LDLRAD3: variants seen among roughly 807,000 people sequenced by gnomAD.
The protein encoded by LDLRAD3 is low density lipoprotein receptor class A domain containing 3, also known as low-density lipoprotein receptor class A domain-containing protein 3.
Under a neutral mutation model 29.4 loss-of-function variants are expected in LDLRAD3, and 20 were observed. That is an observed-to-expected ratio of 0.68 (90% CI 0.48 to 0.99). The LOEUF (loss-of-function observed/expected upper bound fraction) is 0.99. Ranked by LOEUF, LDLRAD3 falls within the 50% of genes least tolerant of loss-of-function variation. The pLI, the probability that LDLRAD3 is intolerant of heterozygous loss-of-function variation, is 0.00. For missense variants in LDLRAD3, 420 were observed against 454.3 expected (o/e 0.92, Z 0.69); for synonymous variants, 157 against 192.7 (o/e 0.81, Z 1.53).
chr11:36,100,186 A>G (rs1196405132), intron 4 of LDLRAD3, among the ~76,000 whole-genome samples: 7 of 152,166 alleles, frequency 4.6e-5, no homozygotes, highest in Non-Finnish European at 1.0e-4. Context: ...TCTAATGCAC[A>G]CTGAAGGCTG....
At position 36,143,953 on chromosome 11, in the gene LDLRAD3, T is replaced by C. The variant is rs1476414650; in HGVS notation, c.454+45492T>C. Among the ~76,000 whole-genome samples, 865 of 91,524 alleles carry C rather than the reference T, an allele frequency of 9.5e-3. 25 individuals are homozygous for C. Among genetic ancestry groups the C allele is most frequent in the African/African-American group, 0.034 (808 of 23,444 alleles). 60.0% of individuals were successfully genotyped at this position (91,524 alleles called of 152,430 possible). A position where few individuals can be genotyped will look rare whatever the true frequency, so the allele number is the denominator to read the frequency against. ...CCCCCTCCCCCTCCCCCTCCCTCTC[T>C]TGCCACGGTCTCCCTCTGATGCCGA... On this transcript the variant is annotated intron_variant, in intron 4 of 5. Coordinates refer to ENST00000315571, the MANE Select transcript of LDLRAD3 (RefSeq NM_174902.4).
intron 4 of LDLRAD3, among the ~76,000 whole-genome samples, chr11:36,141,834 A>T (rs1390035433): frequency 1.3e-5 from 2 of 152,232 alleles, no homozygotes; most frequent in South Asian, 2.1e-4. Flanking sequence ...GGAAGTCAGC[A>T]GAATAGTTGG....
chr11:36,051,612 A>T (rs913283726), intron 2 of LDLRAD3, among the ~76,000 whole-genome samples: 1 of 152,168 alleles, frequency 6.6e-6, no homozygotes, highest in Non-Finnish European at 1.5e-5. Context: ...TATAAAAGTT[A>T]TGGTAAAAAA....
intron 3 of LDLRAD3, among the ~76,000 whole-genome samples, chr11:36,095,796 C>A (rs1383528824): frequency 6.6e-6 from 1 of 152,146 alleles, no homozygotes; most frequent in Non-Finnish European, 1.5e-5. Flanking sequence ...TCTTGGAGCA[C>A]TTAGAATGCC....
intron 4 of LDLRAD3, among the ~76,000 whole-genome samples, chr11:36,187,709 T>C (rs1440317001): frequency 6.6e-6 from 1 of 152,114 alleles, no homozygotes; most frequent in Admixed American, 6.6e-5. Flanking sequence ...TACCGGCTGG[T>C]TTTAGCAACA....
intron 4 of LDLRAD3, among the ~76,000 whole-genome samples, chr11:36,219,255 T>A (rs1179698529): frequency 6.6e-6 from 1 of 152,148 alleles, no homozygotes; most frequent in African/African-American, 2.4e-5. Context: ...TCCTAATAGG[T>A]TTAGGGGAGA....
At chr11:35,960,132 C>G (rs1851257803) in intron 1 of LDLRAD3, among the ~76,000 whole-genome samples, 1 of 152,136 alleles carries the variant, frequency 6.6e-6, no homozygotes, top group Non-Finnish European at 1.5e-5. Flanking sequence ...ATCAAATGGC[C>G]TACGCTTCTG....
At chr11:36,086,572 A>G (rs1432662733) in intron 3 of LDLRAD3, among the ~76,000 whole-genome samples, 1 of 152,196 alleles carries the variant, frequency 6.6e-6, no homozygotes, top group African/African-American at 2.4e-5. Flanking sequence ...GATTAGGACC[A>G]GGTCCATGTG....
intron 4 of LDLRAD3, among the ~76,000 whole-genome samples, chr11:36,205,338 C>T (rs931409731): frequency 2.6e-5 from 4 of 152,178 alleles, no homozygotes; most frequent in Non-Finnish European, 4.4e-5. Flanking sequence ...TTTTCGTGCT[C>T]CCCTCTGCGT....
At chr11:36,123,904 A>G (rs1853797436) in intron 4 of LDLRAD3, among the ~76,000 whole-genome samples, 1 of 152,168 alleles carries the variant, frequency 6.6e-6, no homozygotes, top group Non-Finnish European at 1.5e-5. Flanking sequence ...ATTTACATAG[A>G]CTGTAAAATA....
intron 4 of LDLRAD3, among the ~76,000 whole-genome samples, chr11:36,155,885 C>G (rs544862581): frequency 6.6e-6 from 1 of 152,170 alleles, no homozygotes; most frequent in African/African-American, 2.4e-5. Flanking sequence ...CCTGCCTTCC[C>G]CCTGCCTTTA....
chr11:36,229,271 C>A lies in LDLRAD3; in HGVS notation c.912C>A (p.Ser304Arg), dbSNP rs1855542011. Residue 304 changes from serine (S) to arginine (R), a missense_variant, in exon 6 of 6, where the codon AGC (serine) becomes AGA (arginine). By Grantham distance (110) the Ser-to-Arg change is moderately radical. Coordinates refer to ENST00000315571, the MANE Select transcript of LDLRAD3 (RefSeq NM_174902.4). ...RSRSGSANSA[S>R]SQAASSLLSV... Reference sequence around the variant, plus strand: ...GGTCCGGGAGTGCCAACAGTGCCAGCTCCCAGGCAGCCAGCAGCCTCCTGA... The same window carrying A: ...GGTCCGGGAGTGCCAACAGTGCCAGATCCCAGGCAGCCAGCAGCCTCCTGA... 6.2e-7 allele frequency: 1 copy of A among 1,614,034 alleles called. No homozygotes were observed. Among genetic ancestry groups the A allele is most frequent in the African/African-American group, 1.3e-5 (1 of 74,930 alleles).
intron 1 of LDLRAD3, among the ~76,000 whole-genome samples, chr11:35,945,840 C>T (rs1590671800): frequency 6.6e-6 from 1 of 152,052 alleles, no homozygotes; most frequent in East Asian, 1.9e-4. Flanking sequence ...TAATTTTGTC[C>T]CTCTCTGGTC....
At chr11:36,034,898 A>G (rs1349600999) in intron 1 of LDLRAD3, among the ~76,000 whole-genome samples, 2 of 152,218 alleles carry the variant, frequency 1.3e-5, no homozygotes, top group Admixed American at 1.3e-4. Flanking sequence ...GTAGGAGGAT[A>G]TGATGTTAGG....
intron 4 of LDLRAD3, among the ~76,000 whole-genome samples, chr11:36,105,981 T>C (rs1286797925): frequency 6.6e-6 from 1 of 151,828 alleles, no homozygotes; most frequent in African/African-American, 2.4e-5. Flanking sequence ...CAGAGTAGAG[T>C]GCAAGAGCGA....
At chr11:35,981,340 A>G (rs924723679) in intron 1 of LDLRAD3, among the ~76,000 whole-genome samples, 4 of 152,064 alleles carry the variant, frequency 2.6e-5, no homozygotes, top group African/African-American at 9.7e-5. Context: ...TGGCCATGTC[A>G]CTTAACCTTC....
chr11:36,045,374 T>TA (rs1302073857), intron 2 of LDLRAD3, among the ~76,000 whole-genome samples: 4 of 152,238 alleles, frequency 2.6e-5, no homozygotes, highest in Non-Finnish European at 5.9e-5. Flanking sequence ...TGTAACAACA[T>TA]ACCACAAACT....
At chr11:36,105,686 G>A (rs1283763956) in intron 4 of LDLRAD3, among the ~76,000 whole-genome samples, 6 of 152,082 alleles carry the variant, frequency 3.9e-5, no homozygotes, top group Non-Finnish European at 7.4e-5. Flanking sequence ...AGCAGAGATC[G>A]CCAGCAAACA....
At chr11:36,095,386 T>TGTGGTAAGCCTTATCCATA (rs60173544) in intron 3 of LDLRAD3, among the ~76,000 whole-genome samples, 32,760 of 152,122 alleles carry the variant, frequency 0.22, 4,086 homozygotes, top group Admixed American at 0.32. Flanking sequence ...AGACCTTGAG[T>TGTGGTAAGCCTTATCCATA]GTGGCACGTC....
Sources: allele counts gnomAD v4.1 joint callset (sites outside exome capture counted in the v4.1 genomes callset), GRCh38; gene constraint gnomAD v4.1.1; transcripts MANE v1.5; gene names NCBI Gene and HGNC (gene_info 2026-07-23, HGNC 2026-07-21).